CTNNA3: variants seen among roughly 807,000 people sequenced by gnomAD.
CTNNA3 encodes catenin alpha-3.
CTNNA3 carries 76 observed loss-of-function variants against 95.7 expected under a neutral mutation model. That is an observed-to-expected ratio of 0.79 (90% CI 0.66 to 0.96). The LOEUF is 0.96. CTNNA3 is among the 40% of genes least tolerant of loss of function. The pLI, the probability that CTNNA3 is intolerant of heterozygous loss-of-function variation, is 0.00. For synonymous variants in CTNNA3, 431 were observed against 374.4 expected (o/e 1.15, Z -1.74); for missense variants, 1,191 against 1,089.8 (o/e 1.09, Z -1.31).
chr10:66,600,211 T>C (rs1331743845), intron 10 of CTNNA3, among the ~76,000 whole-genome samples: 1 of 151,878 alleles, frequency 6.6e-6, no homozygotes, highest in East Asian at 1.9e-4. Flanking sequence ...AAATGGTTTT[T>C]CATGATAGTA....
chr10:65,920,555 T>A lies in CTNNA3; in HGVS notation c.2463A>T (p.Thr821=). 6.2e-7 allele frequency: 1 copy of A among 1,614,180 alleles called. No individual in the cohort carries two copies. The highest frequency in any genetic ancestry group is 8.5e-7 in the Non-Finnish European group (1 of 1,180,014). The change falls in exon 18 of 18, where the codon ACA becomes ACT. Residue 821 remains threonine (T), a synonymous_variant. Transcript: ENST00000433211. The part of the protein sequence containing the change: ...AKNLMNAVVQ[T]VKMSYIASTK... ...TTGAGGCAATGTAAGACATTTTCAC[T>A]GTTTGCACTACAGCATTCATTAAAT... is the stretch of plus-strand genomic sequence containing the variant.
intron 13 of CTNNA3, among the ~76,000 whole-genome samples, chr10:66,225,390 A>AAT (rs3053735): frequency 0.18 from 22,628 of 125,406 alleles, 1,978 homozygotes; most frequent in Admixed American, 0.22. Flanking sequence ...ATTTTATTCA[A>AAT]ATATATATAT....
intron 12 of CTNNA3, among the ~76,000 whole-genome samples, chr10:66,294,903 AG>A (rs2091750805): frequency 1.3e-5 from 2 of 148,384 alleles, no homozygotes; most frequent in Non-Finnish European, 3.0e-5. Flanking sequence ...AGAGAGAGAG[AG>A]AGAGAGAGAG....
rs530727340 is a variant in CTNNA3 at position 65,920,614 on chromosome 10, C to A, written c.2404G>T (p.Asp802Tyr). 40 of 1,606,002 alleles carry A rather than the reference C, an allele frequency of 2.5e-5. No individual in the cohort carries two copies. The East Asian group carries it at 8.0e-4, about 32-fold the overall frequency. The change falls in exon 18 of 18, where the codon GAC becomes TAC. Residue 802 changes from aspartate to tyrosine, a missense_variant. By Grantham distance (160) the Asp-to-Tyr change is radical (BLOSUM62 -3). Transcript: ENST00000433211. ...LGGELIMSAL[D>Y]SVTSLIQAAK... ...GCTTGGATCAGGGATGTGACACTGT[C>A]CAACTGTAGGGAAAAAAGAGAAAAA... is the stretch of plus-strand genomic sequence containing the variant.
At chr10:67,702,101 T>C (rs1275040361) in intron 1 of CTNNA3, among the ~76,000 whole-genome samples, 1 of 152,140 alleles carries the variant, frequency 6.6e-6, no homozygotes, top group African/African-American at 2.4e-5. Context: ...ATGCACCCAA[T>C]GCAGGAGCAC....
intron 9 of CTNNA3, among the ~76,000 whole-genome samples, chr10:66,632,499 G>A (rs1226368598): frequency 6.9e-6 from 1 of 144,828 alleles, no homozygotes; most frequent in Non-Finnish European, 1.5e-5. Flanking sequence ...AGGTTGAAGT[G>A]AGCCGAGATC....
chr10:66,545,678 A>T (rs1038122408), intron 10 of CTNNA3, among the ~76,000 whole-genome samples: 2 of 151,968 alleles, frequency 1.3e-5, no homozygotes, highest in Non-Finnish European at 2.9e-5. Flanking sequence ...GATATTTCAC[A>T]TCTTCACCAC....
chr10:65,991,045 A>G (rs1032735196), intron 15 of CTNNA3, among the ~76,000 whole-genome samples: 33 of 152,024 alleles, frequency 2.2e-4, no homozygotes, highest in South Asian at 1.2e-3. Context: ...TGTTCTTCCC[A>G]CCTTTGTCGA....
intron 7 of CTNNA3, among the ~76,000 whole-genome samples, chr10:66,981,509 T>C (rs1393406281): frequency 6.6e-6 from 1 of 152,170 alleles, no homozygotes; most frequent in Non-Finnish European, 1.5e-5. Flanking sequence ...TTTCTCCTCC[T>C]CCTCATTTAC....
At chr10:66,294,967 C>T (rs1187467695) in intron 12 of CTNNA3, among the ~76,000 whole-genome samples, 1 of 151,610 alleles carries the variant, frequency 6.6e-6, no homozygotes, top group East Asian at 1.9e-4. Context: ...GGCAATAGGC[C>T]AAATCATGCT....
At chr10:67,063,312 G>A (rs1855871101) in intron 7 of CTNNA3, among the ~76,000 whole-genome samples, 1 of 152,074 alleles carries the variant, frequency 6.6e-6, no homozygotes. Flanking sequence ...AAATGATTTT[G>A]GGGAACAACA....
rs549678175 is a variant in CTNNA3 at position 66,683,093 on chromosome 10, G to A, written c.1282-61309C>T. On this transcript the variant is annotated intron_variant, in intron 9 of 17. Transcript: ENST00000433211. ...ACCCGTCAAATAAAGCTTGGATACT[G>A]GCCTGCCTATCCCCAAAATGATCTT... Among the ~76,000 whole-genome samples the A allele has an allele frequency of 6.0e-4, 91 of 152,234 alleles. 3 individuals carry two copies. In the South Asian group the frequency reaches 0.012, roughly 19 times the overall value.
chr10:66,685,215 A>G (rs865830700), intron 9 of CTNNA3, among the ~76,000 whole-genome samples: 37 of 131,460 alleles, frequency 2.8e-4, no homozygotes, highest in East Asian at 4.9e-4. Flanking sequence ...ACGTATATAT[A>G]TGTGTATATA....
In CTNNA3 at chr10:67,301,635, G is replaced by GTA. The variant is rs112854094; in HGVS notation, c.580-81767_580-81766dup. On this transcript the variant is annotated intron_variant, in intron 5 of 17. Transcript: ENST00000433211. ...TCAACAGATAAATGAAGAAAAAGTG[G>GTA]TATATATATATATAAGGAATGCAAT... Among the ~76,000 whole-genome samples the GTA allele has an allele frequency of 3.8e-4, 58 of 151,212 alleles. No homozygotes were observed. The South Asian group carries it at 4.0e-3, about 10-fold the overall frequency.
At chr10:66,992,915 G>A (rs763002580) in intron 7 of CTNNA3, among the ~76,000 whole-genome samples, 5 of 151,766 alleles carry the variant, frequency 3.3e-5, no homozygotes, top group African/African-American at 7.3e-5. Flanking sequence ...TTTGTATCCC[G>A]GTACTATTAT....
At chr10:67,750,902 T>C (rs542218020) in intron 1 of CTNNA3, 1 of 1,610,560 alleles carries the variant, frequency 6.2e-7, no homozygotes, top group Non-Finnish European at 8.5e-7. Flanking sequence ...GGCATCACCA[T>C]TATGGCCTAC....
chr10:67,584,882 TCTC>T (rs1842569830), intron 3 of CTNNA3, among the ~76,000 whole-genome samples: 2 of 152,200 alleles, frequency 1.3e-5, no homozygotes, highest in South Asian at 4.1e-4. Context: ...CGGGATATAA[TCTC>T]CTGGTGTGCC....
At chr10:66,910,799 T>C (rs888488920) in intron 7 of CTNNA3, among the ~76,000 whole-genome samples, 5 of 152,212 alleles carry the variant, frequency 3.3e-5, no homozygotes, top group African/African-American at 7.2e-5. Flanking sequence ...ACCAATTGTT[T>C]GCCTTTAACA....
At chr10:66,346,238 TATATATATAGAGAG>T (rs1305600475) in intron 12 of CTNNA3, among the ~76,000 whole-genome samples, 42 of 16,150 alleles carry the variant, frequency 2.6e-3, no homozygotes, top group East Asian at 9.7e-3. Flanking sequence ...TATATATATA[TATATATATAGAGAG>T]AGAGAGAGAG....
Sources: gnomAD v4.1 joint callset for allele counts (sites outside exome capture counted in the v4.1 genomes callset) on GRCh38, gnomAD v4.1.1 for gene constraint, MANE v1.5 for transcripts, NCBI Gene and HGNC (gene_info 2026-07-23, HGNC 2026-07-21) for gene names.